CD2AP: variants seen among roughly 807,000 people sequenced by gnomAD.
The protein encoded by CD2AP is CD2 associated protein.
CD2AP carries 46 observed loss-of-function variants against 85.1 expected under a neutral mutation model. The observed-to-expected ratio is 0.54, with a 90% CI of 0.43 to 0.69. The LOEUF (loss-of-function observed/expected upper bound fraction) is 0.69. Ranked by LOEUF, CD2AP falls within the 30% of genes least tolerant of loss-of-function variation. The pLI, the probability that CD2AP is intolerant of heterozygous loss-of-function variation, is 0.00. For missense variants in CD2AP, 769 were observed against 729.5 expected, an observed-to-expected ratio of 1.05 and a Z score of -0.62; for synonymous variants, 255 against 252.9, an observed-to-expected ratio of 1.01 and a Z score of -0.08.
chr6:47,591,181 A>C (rs1562047143), intron 11 of CD2AP, among the ~76,000 whole-genome samples: 1 of 152,220 alleles, frequency 6.6e-6, no homozygotes, highest in African/African-American at 2.4e-5. Context: ...GATTTCGTTG[A>C]CATAAAGTTA....
At chr6:47,573,096 T>G (rs1768199240) in intron 5 of CD2AP, among the ~76,000 whole-genome samples, 1 of 152,168 alleles carries the variant, frequency 6.6e-6, no homozygotes, top group Non-Finnish European at 1.5e-5. Context: ...AAAAAGTACA[T>G]AAAAATAACC....
chr6:47,578,466 GC>G (rs1768371661), intron 8 of CD2AP, among the ~76,000 whole-genome samples: 1 of 152,102 alleles, frequency 6.6e-6, no homozygotes. Context: ...TCCCACATCA[GC>G]CTCTGAAGTT....
In CD2AP at chr6:47,612,639, A is replaced by T. The variant is rs1356300969; in HGVS notation, c.1878+103A>T. ...GTTCCTGTACAAATTATGCTATACTACTTCAGTTGGACATACACACAATGG... is the reference window on the plus strand; with the variant it reads ...GTTCCTGTACAAATTATGCTATACTTCTTCAGTTGGACATACACACAATGG... On this transcript the variant is annotated intron_variant, in intron 17 of 17. Transcript: ENST00000359314. 3.9e-6 allele frequency: 3 copies of T among 766,828 alleles called. No individual in the cohort carries two copies. The African/African-American group carries it at 5.2e-5, about 13-fold the overall frequency. 47.5% of individuals were successfully genotyped at this position (766,828 alleles called of 1,614,324 possible).
intron 4 of CD2AP, among the ~76,000 whole-genome samples, chr6:47,546,756 A>G (rs552153907): frequency 1.4e-4 from 21 of 152,316 alleles, no homozygotes; most frequent in African/African-American, 5.1e-4. Context: ...AGATGAAGGA[A>G]AGAATCTTAA....
intron 2 of CD2AP, among the ~76,000 whole-genome samples, chr6:47,505,011 C>CTTTTTTTTTTTT (rs58060161): frequency 1.1e-5 from 1 of 95,138 alleles, no homozygotes; most frequent in African/African-American, 4.2e-5. Flanking sequence ...GTGGCAGTTT[C>CTTTTTTTTTTTT]TTTTTTTTTT....
chr6:47,515,544 A>G (rs975404953), intron 2 of CD2AP, among the ~76,000 whole-genome samples: 1 of 152,250 alleles, frequency 6.6e-6, no homozygotes, highest in Non-Finnish European at 1.5e-5. Context: ...AATATGGGCT[A>G]AAAACTTGAT....
chr6:47,484,735 G>A (rs951351939), intron 1 of CD2AP, among the ~76,000 whole-genome samples: 6 of 152,138 alleles, frequency 3.9e-5, no homozygotes, highest in Non-Finnish European at 7.4e-5. Flanking sequence ...GACTAGCATG[G>A]GAGCCTGGAT....
intron 4 of CD2AP, among the ~76,000 whole-genome samples, chr6:47,553,330 GT>G (rs1381422142): frequency 3.3e-5 from 5 of 150,868 alleles, no homozygotes; most frequent in African/African-American, 1.2e-4. Context: ...ACAGTGAATA[GT>G]TTACTCTTTT....
Position 47,503,363 on chromosome 6 carries a change from A to G in CD2AP, c.88A>G (p.Lys30Glu), listed in dbSNP as rs1766047507. Residue 30 changes from lysine (K) to glutamate (E), a missense_variant, in exon 2 of 18, where the codon AAA becomes GAA. Lys to Glu is a moderately conservative substitution (Grantham distance 56). Transcript: ENST00000359314. ...AGTTGGAGAAATCATCAGGAATGTGAAAAAGCTACAGGAGGAAGGGTGGCT... is the reference window on the plus strand; with the variant it reads ...AGTTGGAGAAATCATCAGGAATGTGGAAAAGCTACAGGAGGAAGGGTGGCT... Reference protein sequence around the residue: ...IRVGEIIRNVKKLQEEGWLEG... With the variant: ...IRVGEIIRNVEKLQEEGWLEG... 1 of 1,613,812 alleles carries G rather than the reference A, an allele frequency of 6.2e-7. No homozygotes were observed. Among genetic ancestry groups the G allele is most frequent in the Non-Finnish European group, 8.5e-7 (1 of 1,179,758 alleles).
chr6:47,597,385 G>GTT (rs747968596), intron 12 of CD2AP, among the ~76,000 whole-genome samples: 1 of 150,606 alleles, frequency 6.6e-6, no homozygotes, highest in Non-Finnish European at 1.5e-5. Context: ...ATATGATGAT[G>GTT]TTAGAAAAGC....
Position 47,627,058 on chromosome 6 carries a change from C to T in CD2AP, c.*2831C>T. On this transcript the variant is annotated 3_prime_UTR_variant, in exon 18 of 18. Transcript: ENST00000359314. ...AGGGGGAATCTCAAAATAGTATATACTTCACTAACTTGTTTACAGGTGCTG... is the reference window on the plus strand; with the variant it reads ...AGGGGGAATCTCAAAATAGTATATATTTCACTAACTTGTTTACAGGTGCTG... 6.6e-6 allele frequency: 1 copy of T among 152,046 alleles called. No homozygotes were observed. The highest frequency in any genetic ancestry group is 6.6e-5 in the Admixed American group (1 of 15,244). The allele number at this position is 152,046 out of a possible 1,614,324, so 9.4% of individuals were successfully genotyped here.
chr6:47,586,502 A>G (rs1328272865), intron 11 of CD2AP, among the ~76,000 whole-genome samples: 1 of 152,182 alleles, frequency 6.6e-6, no homozygotes, highest in Non-Finnish European at 1.5e-5. Flanking sequence ...AATGGCTGAA[A>G]ATTTTAATTT....
At chr6:47,587,822 C>T (rs1426374726) in intron 11 of CD2AP, among the ~76,000 whole-genome samples, 1 of 152,172 alleles carries the variant, frequency 6.6e-6, no homozygotes, top group African/African-American at 2.4e-5. Flanking sequence ...CACACATACA[C>T]AGTCATACCC....
In CD2AP at chr6:47,625,192, AT is replaced by A. The variant is rs1769879823; in HGVS notation, c.*966del. On this transcript the variant is annotated 3_prime_UTR_variant, in exon 18 of 18. Transcript: ENST00000359314. ...ATGTTTCTCCTTCTGACTTTTAATA[AT>A]GGTAATAGGAAAACAAAACCCAAAG... 1.3e-5 allele frequency: 2 copies of A among 151,872 alleles called. No homozygotes were observed. Among genetic ancestry groups the A allele is most frequent in the African/African-American group, 4.8e-5 (2 of 41,428 alleles). The allele number at this position is 151,872 out of a possible 1,614,324, so 9.4% of individuals were successfully genotyped here.
At chr6:47,520,468 G>A (rs1357626587) in intron 2 of CD2AP, among the ~76,000 whole-genome samples, 1 of 152,174 alleles carries the variant, frequency 6.6e-6, no homozygotes, top group African/African-American at 2.4e-5. Flanking sequence ...GGCTGGAGAG[G>A]CAGATGTACT....
At chr6:47,556,975 C>T (rs1324794997) in intron 5 of CD2AP, among the ~76,000 whole-genome samples, 3 of 152,168 alleles carry the variant, frequency 2.0e-5, no homozygotes, top group Non-Finnish European at 4.4e-5. Context: ...TCCACATCCT[C>T]TCCAGCATCT....
chr6:47,560,211 A>G lies in CD2AP; in HGVS notation c.541+5445A>G, dbSNP rs371362953. Among the ~76,000 whole-genome samples the G allele has an allele frequency of 6.8e-4, 103 of 152,252 alleles. 1 individual carries two copies. The South Asian group carries it at 0.02, about 29-fold the overall frequency. ...TTTGCTAACTTATCATTCACCTTCT[A>G]TCTAGATATCTGTATTTTATCTTTA... On this transcript the variant is annotated intron_variant, in intron 5 of 17. Coordinates refer to ENST00000359314, the MANE Select transcript of CD2AP (RefSeq NM_012120.3).
At chr6:47,562,696 C>A in intron 5 of CD2AP, 1 of 676,180 alleles carries the variant, frequency 1.5e-6, no homozygotes, top group South Asian at 1.6e-5. Context: ...AGAAGACCAC[C>A]CTCATCCACA....
chr6:47,615,714 C>G (rs1294011867), intron 17 of CD2AP, among the ~76,000 whole-genome samples: 3 of 152,064 alleles, frequency 2.0e-5, no homozygotes, highest in Non-Finnish European at 1.5e-5. Context: ...GGTGGGGACA[C>G]AGATGCAAAT....
Sources: allele counts gnomAD v4.1 joint callset (sites outside exome capture counted in the v4.1 genomes callset), GRCh38; gene constraint gnomAD v4.1.1; transcripts MANE v1.5; gene names NCBI Gene and HGNC (gene_info 2026-07-23, HGNC 2026-07-21).